Variants in RPTOR observed in about 807,000 individuals in gnomAD.
The protein encoded by RPTOR is regulatory associated protein of MTOR complex 1, also known as regulatory-associated protein of mTOR.
A neutral mutation model predicts 169.9 loss-of-function variants in RPTOR; 21 were observed. The ratio of observed to expected loss-of-function variants is 0.12; its 90% confidence interval spans 0.09 to 0.18. RPTOR has a LOEUF of 0.18. Ranked by LOEUF, RPTOR falls within the 10% of genes least tolerant of loss-of-function variation. RPTOR has a pLI of 1.00. For synonymous variants in RPTOR, 732 were observed against 753.2 expected (o/e 0.97, Z 0.46); for missense variants, 1,133 against 1,855.9 (o/e 0.61, Z 7.16).
At position 80,667,650 on chromosome 17, in the gene RPTOR, G is replaced by A. The variant is rs575023590; in HGVS notation, c.348+23840G>A. Reference sequence around the variant, plus strand: ...GACCTTTGTTTAGCTGAGTCTCTTGGGACAAAGATAACAAGTTGTTGACAC... The same window carrying A: ...GACCTTTGTTTAGCTGAGTCTCTTGAGACAAAGATAACAAGTTGTTGACAC... On this transcript the variant is annotated intron_variant, in intron 3 of 33. Transcript: ENST00000306801. 2.6e-5 allele frequency among the ~76,000 whole-genome samples: 4 copies of A among 152,278 alleles called. No individual in the cohort carries two copies. In the East Asian group the frequency reaches 7.7e-4, roughly 29 times the overall value.
rs34830902 is a variant in RPTOR, at chr17:80,746,162, CAAA to C, written c.655-7834_655-7832del. Among the ~76,000 whole-genome samples the C allele has an allele frequency of 4.4e-5, 4 of 90,380 alleles. No homozygotes were observed. The highest frequency in any genetic ancestry group is 1.9e-4 in the Admixed American group (2 of 10,706). The allele number at this position is 90,380 out of a possible 152,430, so 59.3% of individuals were successfully genotyped here. A position where few individuals can be genotyped will look rare whatever the true frequency, so the allele number is the denominator to read the frequency against. Reference sequence around the variant, plus strand: ...GGGTGACAAGAGCAAACCTCCATCTCAAAAAAAAAAAAAAAAGTGCAGTGCAGG... The same window carrying C: ...GGGTGACAAGAGCAAACCTCCATCTCAAAAAAAAAAAAAGTGCAGTGCAGG... On this transcript the variant is annotated intron_variant, in intron 5 of 33. Transcript: ENST00000306801. The surrounding 1 kb of genome is among the most constrained non-coding windows in gnomAD (Gnocchi z 4.5).
At position 80,957,815 on chromosome 17, in the gene RPTOR, T is replaced by TG. The variant is rs2069272855; in HGVS notation, c.3477+86dup. 1 of 1,267,766 alleles carries TG rather than the reference T, an allele frequency of 7.9e-7. No homozygotes were observed. The highest frequency in any genetic ancestry group is 1.5e-5 in the African/African-American group (1 of 68,354). The allele number at this position is 1,267,766 out of a possible 1,614,324, so 78.5% of individuals were successfully genotyped here. ...CCTCGTCACAGAACCCAGCAAAGTG[T>TG]GCGGTGAGGCCTGGCCATCCCAGGG... On this transcript the variant is annotated intron_variant, in intron 29 of 33. Transcript: ENST00000306801. The surrounding 1 kb of genome is among the most constrained non-coding windows in gnomAD (Gnocchi z 4.6).
At chr17:80,781,317 A>G (rs143800685) in intron 6 of RPTOR, among the ~76,000 whole-genome samples, 165 of 152,310 alleles carry the variant, frequency 1.1e-3, no homozygotes, top group African/African-American at 3.8e-3. Context: ...TAGAATCTTC[A>G]GCTTTGCCTT....
At chr17:80,714,025 A>G (rs893631462) in intron 4 of RPTOR, among the ~76,000 whole-genome samples, 2 of 151,818 alleles carry the variant, frequency 1.3e-5, no homozygotes, top group Admixed American at 1.3e-4. Context: ...TGCAACCTCC[A>G]CCTCCTGAGT....
chr17:80,947,108 T>C lies in RPTOR; in HGVS notation c.3141-119T>C. The C allele has an allele frequency of 3.0e-6, 3 of 1,000,856 alleles. No homozygotes were observed. The highest frequency in any genetic ancestry group is 4.2e-6 in the Non-Finnish European group (3 of 716,596). 62.0% of individuals were successfully genotyped at this position (1,000,856 alleles called of 1,614,324 possible). A position where few individuals can be genotyped will look rare whatever the true frequency, so the allele number is the denominator to read the frequency against. On this transcript the variant is annotated intron_variant, in intron 26 of 33. Coordinates refer to ENST00000306801, the MANE Select transcript of RPTOR (RefSeq NM_020761.3). The surrounding 1 kb of genome is among the most constrained non-coding windows in gnomAD (Gnocchi z 4.4). ...CTAGGATGACAGGTGTGAGCCGCCGTGCCCGGCTGTGGTGTGTGGTTTTTT... is the reference window on the plus strand; with the variant it reads ...CTAGGATGACAGGTGTGAGCCGCCGCGCCCGGCTGTGGTGTGTGGTTTTTT...
chr17:80,644,778 A>G (rs565362647), intron 3 of RPTOR, among the ~76,000 whole-genome samples: 1 of 152,360 alleles, frequency 6.6e-6, no homozygotes, highest in Admixed American at 6.5e-5. Context: ...ACAGCCAAAA[A>G]TGAATTTTTT....
chr17:80,896,379 G>GGCCGCGCCGACACCCCACA (rs1413818828), intron 20 of RPTOR, among the ~76,000 whole-genome samples: 13,390 of 98,904 alleles, frequency 0.14, 2,488 homozygotes, highest in South Asian at 0.16. Context: ...GACACCCCAC[G>GGCCGCGCCGACACCCCACA]CGGCCTCGCT....
At chr17:80,701,927 G>A (rs569843776) in intron 3 of RPTOR, among the ~76,000 whole-genome samples, 30 of 152,168 alleles carry the variant, frequency 2.0e-4, no homozygotes, top group Admixed American at 7.9e-4. Flanking sequence ...CCACACCAGC[G>A]GCAGTTTGTG....
chr17:80,598,925 TATC>T (rs1401740715), intron 1 of RPTOR, among the ~76,000 whole-genome samples: 3 of 151,790 alleles, frequency 2.0e-5, no homozygotes, highest in African/African-American at 7.3e-5. Flanking sequence ...TCTATCTATC[TATC>T]TTTTTGAGAC....
chr17:80,966,049 C>T lies in RPTOR; in HGVS notation c.*1719C>T, dbSNP rs548056591. 15 of 232,950 alleles carry T rather than the reference C, an allele frequency of 6.4e-5. No individual in the cohort carries two copies. The South Asian group carries it at 2.2e-3, about 34-fold the overall frequency. 14.4% of individuals were successfully genotyped at this position (232,950 alleles called of 1,614,324 possible). A position where few individuals can be genotyped will look rare whatever the true frequency, so the allele number is the denominator to read the frequency against. On this transcript the variant is annotated 3_prime_UTR_variant, in exon 34 of 34. Transcript: ENST00000306801. ...CCTTCAACTCAATTCTTACCCAACA[C>T]GCGTTTCTGTTTGTTTTGAGACAAA... is the stretch of plus-strand genomic sequence containing the variant.
rs1337057933 is a variant in RPTOR, at chr17:80,651,606, C to T, written c.348+7796C>T. ...TTTTAAAGTGTACAACTTGGCTGGG[C>T]GCAGTGGCTCGCGCCTGTAATCCTA... On this transcript the variant is annotated intron_variant, in intron 3 of 33. Coordinates refer to ENST00000306801, the MANE Select transcript of RPTOR (RefSeq NM_020761.3). The surrounding 1 kb of genome is among the most constrained non-coding windows in gnomAD (Gnocchi z 4.1). Among the ~76,000 whole-genome samples, 2 of 152,202 alleles carry T rather than the reference C, an allele frequency of 1.3e-5. No individual in the cohort carries two copies. Among genetic ancestry groups the T allele is most frequent in the Non-Finnish European group, 2.9e-5 (2 of 68,028 alleles).
At chr17:80,772,756 T>C (rs1361913173) in intron 6 of RPTOR, among the ~76,000 whole-genome samples, 2 of 152,068 alleles carry the variant, frequency 1.3e-5, no homozygotes, top group Admixed American at 1.3e-4. Flanking sequence ...AATGTGTATT[T>C]AATTTTCATT....
intron 21 of RPTOR, among the ~76,000 whole-genome samples, chr17:80,922,077 G>A (rs2143975114): frequency 6.6e-6 from 1 of 152,296 alleles, no homozygotes; most frequent in African/African-American, 2.4e-5. Flanking sequence ...CAGTTTCTGT[G>A]GCCTCCTGAA....
At chr17:80,786,921 G>A (rs1253659495) in intron 6 of RPTOR, among the ~76,000 whole-genome samples, 2 of 152,216 alleles carry the variant, frequency 1.3e-5, no homozygotes, top group Non-Finnish European at 2.9e-5. Context: ...CTCATCACTA[G>A]TCCATATTTG....
At chr17:80,940,459 A>G (rs2069010668) in intron 24 of RPTOR, 37 bp from the exon 25 acceptor site, 2 of 1,572,336 alleles carry the variant, frequency 1.3e-6, no homozygotes, top group East Asian at 2.3e-5. Flanking sequence ...ACCCTGTTTC[A>G]TCGCTGGGCT....
At position 80,945,724 on chromosome 17, in the gene RPTOR, T is replaced by G; in HGVS notation, c.3083T>G (p.Val1028Gly). 1 of 1,612,068 alleles carries G rather than the reference T, an allele frequency of 6.2e-7. No individual in the cohort carries two copies. Among genetic ancestry groups the G allele is most frequent in the Non-Finnish European group, 8.5e-7 (1 of 1,179,324 alleles). The change falls in exon 26 of 34, where the codon GTG becomes GGG. Residue 1028 changes from valine to glycine, a missense_variant. Val to Gly is a moderately radical substitution (Grantham distance 109). Transcript: ENST00000306801. Reference sequence around the variant, plus strand: ...AACAGGAACCCCGGCGTCCCCTCTGTGGTGAAATTCCACCCCTTCACGCCG... The same window carrying G: ...AACAGGAACCCCGGCGTCCCCTCTGGGGTGAAATTCCACCCCTTCACGCCG... ...FLNRNPGVPS[V>G]VKFHPFTPCI...
At chr17:80,642,854 A>C (rs960208363) in intron 2 of RPTOR, among the ~76,000 whole-genome samples, 1 of 152,254 alleles carries the variant, frequency 6.6e-6, no homozygotes, top group African/African-American at 2.4e-5. Context: ...ATGAAATGCC[A>C]CAGGCGAATG....
In RPTOR at chr17:80,925,372, T is replaced by C. The variant is rs1567990492; in HGVS notation, c.2811T>C (p.Thr937=). The C allele has an allele frequency of 1.2e-6, 2 of 1,613,536 alleles. No homozygotes were observed. Among genetic ancestry groups the C allele is most frequent in the Admixed American group, 1.7e-5 (1 of 60,024 alleles). ...ACCCTCCTGCTTAAACCCTGAAGAC[T>C]GCGGACGACGCGGACGATGCTGCTG... is the stretch of plus-strand genomic sequence containing the variant. ...RKMFDKGPEQ[T]ADDADDAAGH... is the part of the protein sequence containing the mutation. The change falls in exon 24 of 34, where the codon ACT becomes ACC. Residue 937 remains threonine, a splice_region_variant and synonymous_variant. Transcript: ENST00000306801.
intron 3 of RPTOR, among the ~76,000 whole-genome samples, chr17:80,705,829 C>T (rs985628655): frequency 6.6e-6 from 1 of 152,142 alleles, no homozygotes; most frequent in Non-Finnish European, 1.5e-5. Flanking sequence ...GCCCCCGTGT[C>T]CGGCAGGGGA....
Sources: allele counts gnomAD v4.1 joint callset (sites outside exome capture counted in the v4.1 genomes callset), GRCh38; gene constraint gnomAD v4.1.1; non-coding constraint Gnocchi (gnomAD v3.1); transcripts MANE v1.5; gene names NCBI Gene and HGNC (gene_info 2026-07-23, HGNC 2026-07-21).